Variants in HNF4G observed in about 807,000 individuals in gnomAD.
HNF4G encodes the protein hepatocyte nuclear factor 4-gamma.
In HNF4G, 21 loss-of-function variants were observed where a neutral mutation model predicts 50.9. The ratio of observed to expected loss-of-function variants is 0.41; its 90% confidence interval spans 0.29 to 0.59. The LOEUF is 0.59. Among genes scored for constraint, HNF4G ranks in the 20% least tolerant of loss-of-function variants. The pLI is 0.26. For missense variants in HNF4G, 527 were observed against 559.4 expected (o/e 0.94, Z 0.58); for synonymous variants, 198 against 185.6 (o/e 1.07, Z -0.54).
At chr8:75,435,929 C>T (rs1811126381) in intron 1 of HNF4G, among the ~76,000 whole-genome samples, 1 of 152,096 alleles carries the variant, frequency 6.6e-6, no homozygotes, top group Non-Finnish European at 1.5e-5. Flanking sequence ...GAAGATAGGA[C>T]TTCCTATTTT....
chr8:75,507,561 T>C (rs1967516), intron 2 of HNF4G, among the ~76,000 whole-genome samples: 121,904 of 152,252 alleles, frequency 0.8, 49,644 homozygotes, highest in African/African-American at 0.95. Context: ...GCCCGGCTGA[T>C]TTTTAAAATT....
In HNF4G at chr8:75,443,702, T is replaced by A. The variant is rs190091708; in HGVS notation, c.-144+35540T>A. ...ATGAAAAGTAAGAACATGTGATATA[T>A]ATGGCATGTGATTTTTTTCACCTAT... On this transcript the variant is annotated intron_variant, in intron 1 of 10. Transcript: ENST00000354370. Among the ~76,000 whole-genome samples, 6 of 152,332 alleles carry A rather than the reference T, an allele frequency of 3.9e-5. 1 individual carries two copies. The highest frequency in any genetic ancestry group is 1.2e-4 in the African/African-American group (5 of 41,582).
intron 9 of HNF4G, among the ~76,000 whole-genome samples, chr8:75,563,749 T>C (rs1807385819): frequency 6.6e-6 from 1 of 152,110 alleles, no homozygotes; most frequent in Non-Finnish European, 1.5e-5. Context: ...GAAAAAAATT[T>C]TTTAACATGA....
intron 1 of HNF4G, among the ~76,000 whole-genome samples, chr8:75,449,046 T>C (rs929049438): frequency 6.6e-6 from 1 of 152,138 alleles, no homozygotes; most frequent in Admixed American, 6.6e-5. Flanking sequence ...ATCATGTTGC[T>C]ATAATTAAAG....
At chr8:75,428,904 T>G (rs966783130) in intron 1 of HNF4G, among the ~76,000 whole-genome samples, 2 of 152,148 alleles carry the variant, frequency 1.3e-5, no homozygotes, top group Admixed American at 6.5e-5. Flanking sequence ...AAAAATGGAT[T>G]GGGTGGAGGC....
intron 1 of HNF4G, among the ~76,000 whole-genome samples, chr8:75,461,921 TATA>T (rs1811858486): frequency 6.8e-6 from 1 of 146,740 alleles, no homozygotes; most frequent in African/African-American, 2.5e-5. Context: ...TATATATATA[TATA>T]TATATTTTTT....
intron 2 of HNF4G, among the ~76,000 whole-genome samples, chr8:75,518,432 A>G (rs1445660850): frequency 1.3e-5 from 2 of 152,136 alleles, no homozygotes; most frequent in East Asian, 3.9e-4. Flanking sequence ...GCGATTCCTC[A>G]GGGATCTAGA....
intron 2 of HNF4G, among the ~76,000 whole-genome samples, chr8:75,526,806 G>T (rs568908175): frequency 1.3e-5 from 2 of 148,672 alleles, no homozygotes; most frequent in Non-Finnish European, 3.0e-5. Context: ...TCGTTCTGTC[G>T]CCCGGGCTAG....
chr8:75,539,975 T>C lies in HNF4G; in HGVS notation c.13T>C (p.Ser5Pro). 6.7e-7 allele frequency: 1 copy of C among 1,488,172 alleles called. No homozygotes were observed. Among genetic ancestry groups the C allele is most frequent in the South Asian group, 1.1e-5 (1 of 88,350 alleles). 92.2% of individuals were successfully genotyped at this position (1,488,172 alleles called of 1,614,324 possible). Residue 5 changes from serine to proline, a missense_variant, in exon 1 of 10, where the codon TCA (serine) becomes CCA (proline). Physicochemically the swap from Ser to Pro is moderately conservative, Grantham distance 74. Transcript: ENST00000396423. Reference protein sequence around the residue: MMRVSEPILDMDMAN... With the variant: MMRVPEPILDMDMAN... ...TGTTTCTAAATCAATGATGAGGGTATCAGAACCAATACTGGACATGGACAT... is the reference window on the plus strand; with the variant it reads ...TGTTTCTAAATCAATGATGAGGGTACCAGAACCAATACTGGACATGGACAT...
chr8:75,526,574 C>G (rs775397140), intron 2 of HNF4G, among the ~76,000 whole-genome samples: 5 of 151,902 alleles, frequency 3.3e-5, no homozygotes, highest in Admixed American at 1.3e-4. Flanking sequence ...TGCTCTATTG[C>G]CCAGGCTGGA....
At chr8:75,501,211 G>A (rs34249674) in intron 2 of HNF4G, among the ~76,000 whole-genome samples, 8 of 152,184 alleles carry the variant, frequency 5.3e-5, no homozygotes, top group South Asian at 2.1e-4. Flanking sequence ...AGGCCAATGT[G>A]GGGGGATCAC....
chr8:75,514,252 A>G (rs1369014229), intron 2 of HNF4G, among the ~76,000 whole-genome samples: 1 of 149,892 alleles, frequency 6.7e-6, no homozygotes, highest in African/African-American at 2.5e-5. Context: ...TTTGTCTAAT[A>G]TTGACATAAA....
intron 2 of HNF4G, among the ~76,000 whole-genome samples, chr8:75,507,545 C>T (rs1408198971): frequency 1.3e-5 from 2 of 152,206 alleles, no homozygotes; most frequent in Non-Finnish European, 2.9e-5. Flanking sequence ...AGGCGTGAGC[C>T]ACTGTGCCCG....
chr8:75,410,971 C>G (rs1223211360), intron 1 of HNF4G, among the ~76,000 whole-genome samples: 1 of 152,172 alleles, frequency 6.6e-6, no homozygotes, highest in Non-Finnish European at 1.5e-5. Context: ...ACTTAATATG[C>G]ACTAGGTACT....
chr8:75,515,053 C>T (rs1053703483), intron 2 of HNF4G, among the ~76,000 whole-genome samples: 3 of 151,898 alleles, frequency 2.0e-5, no homozygotes, highest in Admixed American at 2.0e-4. Context: ...ATTTGTCAAC[C>T]AGTACTCTAG....
At chr8:75,487,486 C>A (rs529626041) in intron 1 of HNF4G, among the ~76,000 whole-genome samples, 2 of 152,144 alleles carry the variant, frequency 1.3e-5, no homozygotes, top group African/African-American at 4.8e-5. Flanking sequence ...TAAAATAGTC[C>A]CACTCTTACT....
chr8:75,433,130 G>A (rs139466507), intron 1 of HNF4G, among the ~76,000 whole-genome samples: 40 of 152,186 alleles, frequency 2.6e-4, no homozygotes, highest in African/African-American at 8.2e-4. Context: ...GGCCAGCTCC[G>A]ATGGCTCATG....
At chr8:75,489,587 T>C (rs895790809) in intron 1 of HNF4G, among the ~76,000 whole-genome samples, 9 of 152,202 alleles carry the variant, frequency 5.9e-5, no homozygotes, top group Admixed American at 5.9e-4. Flanking sequence ...ACTTTCTGAT[T>C]TAATAAGGAT....
At chr8:75,522,486 A>G (rs1806070654) in intron 2 of HNF4G, among the ~76,000 whole-genome samples, 1 of 151,964 alleles carries the variant, frequency 6.6e-6, no homozygotes, top group Non-Finnish European at 1.5e-5. Context: ...CCAAGAGCCC[A>G]TGAGTGGTAA....
Sources: gnomAD v4.1 joint callset for allele counts (sites outside exome capture counted in the v4.1 genomes callset) on GRCh38, gnomAD v4.1.1 for gene constraint, MANE v1.5 for transcripts, NCBI Gene and HGNC (gene_info 2026-07-23, HGNC 2026-07-21) for gene names.